The following ZFR2 variants were observed in gnomAD, a reference collection of about 807,000 sequenced individuals.
ZFR2 encodes the protein zinc finger RNA binding protein 2.
ZFR2 carries 104 observed loss-of-function variants against 105.7 expected under a neutral mutation model. The ratio of observed to expected loss-of-function variants is 0.98; its 90% CI spans 0.84 to 1.16. The LOEUF (loss-of-function observed/expected upper bound fraction) is 1.16, where lower values mean the gene tolerates loss of function less well. Ranked by LOEUF, ZFR2 falls within the 50% of genes most tolerant of loss-of-function variation. The probability of loss-of-function intolerance (pLI) is 0.00; values close to 1 mark genes in which losing one functional copy is unlikely to be tolerated. For missense variants in ZFR2, 1,425 were observed against 1,355.5 expected (o/e 1.05, Z -0.80); for synonymous variants, 634 against 597.7 (o/e 1.06, Z -0.89).
At chr19:3,840,057 G>T (rs1354996248) in intron 1 of ZFR2, among the ~76,000 whole-genome samples, 2 of 151,998 alleles carry the variant, frequency 1.3e-5, no homozygotes, top group Non-Finnish European at 2.9e-5. Context: ...TCCAATGCCC[G>T]GCAAACCTTG....
chr19:3,853,681 G>A (rs1389318776), intron 1 of ZFR2, among the ~76,000 whole-genome samples: 1 of 152,122 alleles, frequency 6.6e-6, no homozygotes, highest in Admixed American at 6.6e-5. Context: ...TGAAGGAGGG[G>A]TTAAAAGTAA....
intron 5 of ZFR2, 74 bp from the exon 6 acceptor site, chr19:3,827,727 C>T (rs1372789113): frequency 1.6e-5 from 25 of 1,516,264 alleles, no homozygotes; most frequent in East Asian, 1.0e-4. Flanking sequence ...TGCAGGCCCC[C>T]GGCTTAGCGC....
chr19:3,816,604 G>T (rs919608252), intron 13 of ZFR2, 70 bp downstream of exon 13: 3 of 1,529,320 alleles, frequency 2.0e-6, no homozygotes, highest in Non-Finnish European at 2.6e-6. Context: ...ATCTAGGAGC[G>T]CAAGGGGCTG....
At chr19:3,811,764 T>C (rs2037767680) in intron 14 of ZFR2, among the ~76,000 whole-genome samples, 1 of 149,502 alleles carries the variant, frequency 6.7e-6, no homozygotes, top group African/African-American at 2.5e-5. Flanking sequence ...GGGGATTTTA[T>C]TTTTTACGTA....
intron 9 of ZFR2, among the ~76,000 whole-genome samples, chr19:3,821,808 T>C (rs1357826975): frequency 1.3e-5 from 2 of 151,876 alleles, no homozygotes; most frequent in South Asian, 2.1e-4. Context: ...AAGATTTCAC[T>C]ATGTTGGCCA....
At chr19:3,832,408 A>C (rs527360504) in intron 3 of ZFR2, among the ~76,000 whole-genome samples, 5 of 150,468 alleles carry the variant, frequency 3.3e-5, no homozygotes, top group Admixed American at 2.0e-4. Context: ...TGCAACCTCC[A>C]CCTTCCAGGT....
At chr19:3,811,205 C>A in intron 15 of ZFR2, 67 bp downstream of exon 15, 2 of 1,436,832 alleles carry the variant, frequency 1.4e-6, no homozygotes, top group Non-Finnish European at 9.2e-7. Flanking sequence ...CCGGGTTGAC[C>A]TGGTGCCTCT....
At chr19:3,827,970 G>A (rs1488775290) in intron 5 of ZFR2, among the ~76,000 whole-genome samples, 1 of 140,138 alleles carries the variant, frequency 7.1e-6, no homozygotes, top group East Asian at 2.2e-4. Flanking sequence ...ACAGGCGGGT[G>A]CCACCACACC....
chr19:3,807,267 C>G lies in ZFR2; in HGVS notation c.2548G>C (p.Gly850Arg), dbSNP rs777434625. The change falls in exon 18 of 19, where the codon GGG (glycine) becomes CGG (arginine). Residue 850 changes from glycine to arginine, a missense_variant and splice_region_variant. By Grantham distance (125) the Gly-to-Arg change is moderately radical. Coordinates refer to ENST00000262961, the MANE Select transcript of ZFR2 (RefSeq NM_015174.2). ...TCGCAGGGATCCTGGAGCCCGGGCCCGTCTTTGTGACGGGGAGTGGGAACA... is the reference window on the plus strand; with the variant it reads ...TCGCAGGGATCCTGGAGCCCGGGCCGGTCTTTGTGACGGGGAGTGGGAACA... ...CVATGTLLTDGPGLQDPCERD... is the reference protein window; with the variant it reads ...CVATGTLLTDRPGLQDPCERD... 1.3e-6 allele frequency: 2 copies of G among 1,554,052 alleles called. No individual in the cohort carries two copies. Among genetic ancestry groups the G allele is most frequent in the East Asian group, 2.4e-5 (1 of 41,300 alleles).
chr19:3,834,883 CTGGGGG>C lies in ZFR2; in HGVS notation c.148_153del (p.Pro50_Pro51del). On this transcript the variant is annotated inframe_deletion, in exon 2 of 19. Transcript: ENST00000262961. This position sits in a 1 kb window ranked among gnomAD's most constrained non-coding sequence, Gnocchi z 5.3. ...TATCCACCGTACCCTGCCGGGGCAG[CTGGGGG>C]AAAGGCCGGGTTCACGGCAGGGTCC... The C allele has an allele frequency of 6.2e-7, 1 of 1,611,848 alleles. No individual in the cohort carries two copies. Among genetic ancestry groups the C allele is most frequent in the South Asian group, 1.1e-5 (1 of 90,726 alleles).
intron 1 of ZFR2, among the ~76,000 whole-genome samples, chr19:3,841,839 T>C (rs2038135872): frequency 6.6e-6 from 1 of 151,224 alleles, no homozygotes; most frequent in South Asian, 2.1e-4. Flanking sequence ...CAGGCTGGAG[T>C]GCAGTGTCAC....
intron 7 of ZFR2, among the ~76,000 whole-genome samples, chr19:3,824,060 G>T (rs1028328122): frequency 6.6e-6 from 1 of 152,158 alleles, no homozygotes; most frequent in Non-Finnish European, 1.5e-5. Context: ...GCTGCGGGAG[G>T]CCGAGTTGGG....
At chr19:3,843,844 AAAAG>A (rs2038158943) in intron 1 of ZFR2, among the ~76,000 whole-genome samples, 1 of 151,820 alleles carries the variant, frequency 6.6e-6, no homozygotes, top group Non-Finnish European at 1.5e-5. Context: ...CAAAAAACAA[AAAAG>A]AAAGAAAGAA....
chr19:3,824,359 G>T (rs966699480), intron 7 of ZFR2, among the ~76,000 whole-genome samples: 3 of 152,194 alleles, frequency 2.0e-5, no homozygotes, highest in Non-Finnish European at 4.4e-5. Context: ...GCGAAGCAAT[G>T]CACACAAAGC....
intron 5 of ZFR2, among the ~76,000 whole-genome samples, chr19:3,830,252 C>T (rs967175058): frequency 5.5e-4 from 83 of 151,874 alleles, no homozygotes; most frequent in Non-Finnish European, 8.5e-4. Flanking sequence ...TGGACCTGGG[C>T]GACATAGTGA....
rs910226451 is a variant in ZFR2, at chr19:3,821,989, C to G, written c.1491+92G>C. 7 of 1,474,892 alleles carry G rather than the reference C, an allele frequency of 4.7e-6. No homozygotes were observed. The African/African-American group carries it at 9.9e-5, about 21-fold the overall frequency. 91.4% of individuals were successfully genotyped at this position (1,474,892 alleles called of 1,614,324 possible). A position where few individuals can be genotyped will look rare whatever the true frequency, so the allele number is the denominator to read the frequency against. On this transcript the variant is annotated intron_variant, in intron 9 of 18. Transcript: ENST00000262961. ...TCCCTCTTAAGTTCGTCGGATCACA[C>G]GCGCGGAAGAGGCCCGACCACAGGC...
At chr19:3,852,947 A>T (rs532906742) in intron 1 of ZFR2, among the ~76,000 whole-genome samples, 50 of 151,784 alleles carry the variant, frequency 3.3e-4, no homozygotes, top group Non-Finnish European at 6.2e-4. Context: ...GCCCAGAATG[A>T]CTTCACTGCA....
At chr19:3,807,913 A>T (rs1599216499) in intron 17 of ZFR2, among the ~76,000 whole-genome samples, 1 of 123,674 alleles carries the variant, frequency 8.1e-6, no homozygotes, top group South Asian at 2.7e-4. Flanking sequence ...ATGTATGTGT[A>T]TATGCCCATG....
intron 5 of ZFR2, among the ~76,000 whole-genome samples, chr19:3,828,607 C>T (rs921340297): frequency 3.5e-4 from 54 of 152,296 alleles, no homozygotes; most frequent in Non-Finnish European, 2.2e-4. Flanking sequence ...CACAGGCCTA[C>T]GCATCCGGTA....
Sources: gnomAD v4.1 joint callset for allele counts (sites outside exome capture counted in the v4.1 genomes callset) on GRCh38, gnomAD v4.1.1 for gene constraint, Gnocchi (gnomAD v3.1) non-coding constraint, MANE v1.5 for transcripts, NCBI Gene and HGNC (gene_info 2026-07-23, HGNC 2026-07-21) for gene names.